Variants in NKAIN2 observed in about 807,000 individuals in gnomAD.
NKAIN2 encodes the protein sodium/potassium-transporting ATPase subunit beta-1-interacting protein 2.
A neutral mutation model predicts 32.6 loss-of-function variants in NKAIN2; 14 were observed. The observed-to-expected ratio is 0.43, with a 90% CI of 0.28 to 0.67. NKAIN2 has a LOEUF of 0.67. Among genes scored for constraint, NKAIN2 ranks in the 30% least tolerant of loss-of-function variants. The pLI is 0.17. For missense variants in NKAIN2, 198 were observed against 258.3 expected (o/e 0.77, Z 1.60); for synonymous variants, 80 against 87.2 (o/e 0.92, Z 0.46).
intron 4 of NKAIN2, among the ~76,000 whole-genome samples, chr6:124,712,155 TGAG>T (rs1238090873): frequency 6.6e-6 from 1 of 151,296 alleles, no homozygotes; most frequent in East Asian, 1.9e-4. Context: ...GGGACCCACT[TGAG>T]GAGGCAGTCT....
intron 1 of NKAIN2, among the ~76,000 whole-genome samples, chr6:123,979,165 T>A (rs1778779100): frequency 6.6e-6 from 1 of 151,952 alleles, no homozygotes. Flanking sequence ...GAAATCAATC[T>A]GATTTGATCT....
chr6:124,596,666 G>GTGT, intron 3 of NKAIN2, among the ~76,000 whole-genome samples: 1 of 84,484 alleles, frequency 1.2e-5, no homozygotes, highest in East Asian at 6.6e-4. Context: ...ACCATAGGGT[G>GTGT]TGTGTGTGTG....
intron 1 of NKAIN2, among the ~76,000 whole-genome samples, chr6:124,091,969 T>C (rs72974598): frequency 0.16 from 24,223 of 152,050 alleles, 2,255 homozygotes; most frequent in Middle Eastern, 0.27. Context: ...CCTAACACTA[T>C]TCTCATCTTT....
chr6:123,988,218 G>A (rs1490289180), intron 1 of NKAIN2, among the ~76,000 whole-genome samples: 1 of 152,142 alleles, frequency 6.6e-6, no homozygotes, highest in African/African-American at 2.4e-5. Flanking sequence ...TTGTGTCTGG[G>A]AAAGACAATG....
intron 1 of NKAIN2, among the ~76,000 whole-genome samples, chr6:123,836,347 A>G (rs1440456451): frequency 6.6e-6 from 1 of 152,104 alleles, no homozygotes; most frequent in African/African-American, 2.4e-5. Flanking sequence ...CCAAATGACA[A>G]AGATTAATAT....
At chr6:124,041,658 AT>A (rs1241323566) in intron 1 of NKAIN2, among the ~76,000 whole-genome samples, 1 of 152,042 alleles carries the variant, frequency 6.6e-6, no homozygotes, top group East Asian at 1.9e-4. Flanking sequence ...ATAAAATAAC[AT>A]TTTTGTTGCT....
intron 1 of NKAIN2, among the ~76,000 whole-genome samples, chr6:123,819,525 A>T (rs1773837383): frequency 6.6e-6 from 1 of 152,208 alleles, no homozygotes; most frequent in Non-Finnish European, 1.5e-5. Flanking sequence ...CTTATTAATT[A>T]AAGTTTTCCA....
intron 1 of NKAIN2, among the ~76,000 whole-genome samples, chr6:124,145,460 G>A (rs950058488): frequency 1.3e-4 from 20 of 152,174 alleles, no homozygotes; most frequent in African/African-American, 4.3e-4. Flanking sequence ...CAACCTGGAT[G>A]CATCTCCAGG....
At chr6:124,371,330 G>T (rs1199322942) in intron 3 of NKAIN2, among the ~76,000 whole-genome samples, 23 of 151,558 alleles carry the variant, frequency 1.5e-4, no homozygotes, top group Admixed American at 1.5e-3. Context: ...CTACAATCTT[G>T]TAACTCTAGA....
chr6:124,304,614 C>T (rs766215735), intron 2 of NKAIN2, among the ~76,000 whole-genome samples: 74 of 152,232 alleles, frequency 4.9e-4, no homozygotes, highest in Non-Finnish European at 8.7e-4. Flanking sequence ...AGATCCACTT[C>T]CTTATAAAAG....
intron 3 of NKAIN2, among the ~76,000 whole-genome samples, chr6:124,437,480 T>TA (rs373053236): frequency 6.6e-6 from 1 of 152,204 alleles, no homozygotes; most frequent in East Asian, 1.9e-4. Context: ...GCTCTTTTTT[T>TA]ACTTCCCTTC....
intron 1 of NKAIN2, among the ~76,000 whole-genome samples, chr6:123,993,492 G>A (rs1190768203): frequency 6.6e-6 from 1 of 152,214 alleles, no homozygotes; most frequent in East Asian, 1.9e-4. Flanking sequence ...ATGGGCATAA[G>A]CCATAAAATC....
chr6:124,129,336 T>C (rs1786338491), intron 1 of NKAIN2, among the ~76,000 whole-genome samples: 2 of 152,276 alleles, frequency 1.3e-5, no homozygotes, highest in Non-Finnish European at 1.5e-5. Flanking sequence ...CAGATGTAGA[T>C]CACCCTCTAA....
chr6:123,954,940 C>G (rs897559381), intron 1 of NKAIN2, among the ~76,000 whole-genome samples: 2 of 151,856 alleles, frequency 1.3e-5, no homozygotes, highest in African/African-American at 4.8e-5. Context: ...TTAGGGGAAG[C>G]CTGATCCAGG....
chr6:123,818,508 T>A (rs1773793782), intron 1 of NKAIN2, among the ~76,000 whole-genome samples: 1 of 152,098 alleles, frequency 6.6e-6, no homozygotes, highest in African/African-American at 2.4e-5. Flanking sequence ...ATATTTGATA[T>A]CCTAATTCAC....
At position 124,483,651 on chromosome 6, in the gene NKAIN2, G is replaced by A. The variant is rs1456199550; in HGVS notation, c.273+128304G>A. ...AAAGATAAACTATTAATACAAATATGGACTTCATATTCTATTCACAGTTAA... is the reference window on the plus strand; with the variant it reads ...AAAGATAAACTATTAATACAAATATAGACTTCATATTCTATTCACAGTTAA... On this transcript the variant is annotated intron_variant, in intron 3 of 6. Coordinates refer to ENST00000368417, the MANE Select transcript of NKAIN2 (RefSeq NM_001040214.3). 2.6e-5 allele frequency among the ~76,000 whole-genome samples: 4 copies of A among 151,924 alleles called. No homozygotes were observed. The East Asian group carries it at 7.7e-4, about 29-fold the overall frequency.
At chr6:123,905,712 A>T (rs753192605) in intron 1 of NKAIN2, among the ~76,000 whole-genome samples, 35 of 151,182 alleles carry the variant, frequency 2.3e-4, no homozygotes, top group Non-Finnish European at 3.8e-4. Context: ...TGACTCAGAT[A>T]AAAAAAAAGA....
At chr6:124,001,241 A>G (rs1779865753) in intron 1 of NKAIN2, among the ~76,000 whole-genome samples, 1 of 151,626 alleles carries the variant, frequency 6.6e-6, no homozygotes, top group South Asian at 2.1e-4. Flanking sequence ...TTTGAATGTT[A>G]GATTAGAAAT....
intron 1 of NKAIN2, among the ~76,000 whole-genome samples, chr6:124,236,787 C>T (rs1409852210): frequency 6.6e-6 from 1 of 152,010 alleles, no homozygotes; most frequent in East Asian, 2.0e-4. Flanking sequence ...AGATTTTGAA[C>T]ACTAGGGAGA....
Sources: gnomAD v4.1 joint callset for allele counts (sites outside exome capture counted in the v4.1 genomes callset) on GRCh38, gnomAD v4.1.1 for gene constraint, MANE v1.5 for transcripts, NCBI Gene and HGNC (gene_info 2026-07-23, HGNC 2026-07-21) for gene names.